Variants in FAAH2 observed in about 807,000 individuals in gnomAD.
FAAH2 encodes the protein fatty-acid amide hydrolase 2.
A neutral mutation model predicts 36.9 loss-of-function variants in FAAH2; 60 were observed. That is an observed-to-expected ratio of 1.63 (90% CI 1.32 to 2.02). FAAH2 has a LOEUF of 2.02. Ranked by LOEUF, FAAH2 falls within the 30% of genes most tolerant of loss-of-function variation. The pLI is 0.00. For missense variants in FAAH2, 689 were observed against 397.5 expected (o/e 1.73, Z -6.23); for synonymous variants, 214 against 143.8 (o/e 1.49, Z -3.49).
At chrX:57,480,334 C>T (rs944263909) in intron 10 of FAAH2, among the ~76,000 whole-genome samples, 1 of 111,836 alleles carries the variant, frequency 8.9e-6, no homozygotes, top group East Asian at 2.8e-4. Context: ...GACCAATATC[C>T]TCGATGAACA....
intron 5 of FAAH2, among the ~76,000 whole-genome samples, chrX:57,364,271 G>T (rs996105766): frequency 9.2e-6 from 1 of 108,768 alleles, no homozygotes. Flanking sequence ...TTTCTTTCTG[G>T]TTCAATCTTG....
chrX:57,219,599 T>A, the FAAH2 span, among the ~76,000 whole-genome samples: 108 of 112,243 alleles, frequency 9.6e-4, no homozygotes, highest in African/African-American at 3.3e-3. Flanking sequence ...AGGCACCCGA[T>A]AATTATCTAG....
intron 10 of FAAH2, among the ~76,000 whole-genome samples, chrX:57,453,838 T>G: frequency 8.9e-6 from 1 of 112,100 alleles, no homozygotes; most frequent in Non-Finnish European, 1.9e-5. Flanking sequence ...CGTTCTCAGA[T>G]CACTGAGAGA....
intron 4 of FAAH2, among the ~76,000 whole-genome samples, chrX:57,334,841 AGAG>A (rs1043615894): frequency 1.1e-4 from 12 of 111,634 alleles, no homozygotes; most frequent in Non-Finnish European, 1.5e-4. Flanking sequence ...AAGTGGCAAG[AGAG>A]GAGAATAAAT....
chrX:57,469,070 G>T (rs1174012884), intron 10 of FAAH2, among the ~76,000 whole-genome samples: 2 of 111,635 alleles, frequency 1.8e-5, no homozygotes, highest in African/African-American at 6.5e-5. Flanking sequence ...TCACTACTAG[G>T]CCTGACCTAC....
At chrX:57,394,050 G>A (rs759094959) in intron 7 of FAAH2, 34 of 730,945 alleles carry the variant, frequency 4.7e-5, no homozygotes, top group Non-Finnish European at 7.4e-5. Flanking sequence ...GTCAGTTCAT[G>A]AAATATCTGA....
the FAAH2 span, among the ~76,000 whole-genome samples, chrX:57,232,938 G>A: frequency 2.7e-5 from 3 of 112,174 alleles, no homozygotes; most frequent in South Asian, 1.1e-3. Context: ...TGCTCCCCTT[G>A]AGCCCTGAAG....
At chrX:57,484,630 G>A (rs1182842852) in intron 10 of FAAH2, among the ~76,000 whole-genome samples, 1 of 111,636 alleles carries the variant, frequency 9.0e-6, no homozygotes, top group Admixed American at 9.5e-5. Flanking sequence ...AATACAGACA[G>A]CTTTATGGCT....
intron 7 of FAAH2, among the ~76,000 whole-genome samples, chrX:57,421,874 G>C (rs371549631): frequency 9.0e-6 from 1 of 111,730 alleles, no homozygotes; most frequent in East Asian, 2.8e-4. Flanking sequence ...TAGAGTAGTT[G>C]CTACTTCTTA....
At chrX:57,348,960 A>T (rs2053904305) in intron 5 of FAAH2, among the ~76,000 whole-genome samples, 1 of 106,415 alleles carries the variant, frequency 9.4e-6, no homozygotes, top group Non-Finnish European at 1.9e-5. Context: ...TCAAAATGCC[A>T]TTTAAAGAAT....
chrX:57,299,061 T>C (rs1334845514), intron 2 of FAAH2, among the ~76,000 whole-genome samples: 1 of 111,340 alleles, frequency 9.0e-6, no homozygotes, highest in Non-Finnish European at 1.9e-5. Context: ...CTGAAACTAT[T>C]CCAATCAATA....
the FAAH2 span, among the ~76,000 whole-genome samples, chrX:57,243,311 C>A: frequency 8.9e-6 from 1 of 111,871 alleles, no homozygotes; most frequent in Non-Finnish European, 1.9e-5. Context: ...AAAGGGGTGG[C>A]TGTGGGCGCA....
intron 7 of FAAH2, among the ~76,000 whole-genome samples, chrX:57,421,074 C>A (rs1251999850): frequency 8.9e-6 from 1 of 112,099 alleles, no homozygotes; most frequent in Non-Finnish European, 1.9e-5. Flanking sequence ...CTCTGGTAAT[C>A]AACATTCTAT....
At chrX:57,440,045 A>C (rs2056514153) in intron 8 of FAAH2, among the ~76,000 whole-genome samples, 1 of 111,654 alleles carries the variant, frequency 9.0e-6, no homozygotes, top group East Asian at 2.8e-4. Flanking sequence ...TGATGCCTCC[A>C]GCTTTGTTCT....
At chrX:57,140,417 CAA>C in the FAAH2 span, among the ~76,000 whole-genome samples, 4 of 64,795 alleles carry the variant, frequency 6.2e-5, no homozygotes, top group East Asian at 4.5e-4. Flanking sequence ...CCATCTCTAC[CAA>C]AAAAAAAAAA....
At chrX:57,153,463 G>A in the FAAH2 span, among the ~76,000 whole-genome samples, 2 of 111,731 alleles carry the variant, frequency 1.8e-5, no homozygotes, top group Non-Finnish European at 3.8e-5. Context: ...TGGGTTCTGT[G>A]AGATTTATGC....
the FAAH2 span, among the ~76,000 whole-genome samples, chrX:57,144,654 G>A: frequency 9.1e-6 from 1 of 109,926 alleles, no homozygotes; most frequent in Non-Finnish European, 1.9e-5. Context: ...ATTTTCAGTC[G>A]TTTATCCCTC....
intron 5 of FAAH2, among the ~76,000 whole-genome samples, chrX:57,367,849 C>G (rs186017675): frequency 4.5e-5 from 5 of 112,047 alleles, no homozygotes; most frequent in South Asian, 3.8e-4. Context: ...GTTTGGAAAG[C>G]TGCCAGGATT....
chrX:57,416,263 G>A (rs949460066), intron 7 of FAAH2, among the ~76,000 whole-genome samples: 1 of 111,459 alleles, frequency 9.0e-6, no homozygotes, highest in Non-Finnish European at 1.9e-5. Context: ...ATTTGATCCT[G>A]TCATTATGAA....
Sources: gnomAD v4.1 joint callset for allele counts (sites outside exome capture counted in the v4.1 genomes callset) on GRCh38, gnomAD v4.1.1 for gene constraint, MANE v1.5 for transcripts, NCBI Gene and HGNC (gene_info 2026-07-23, HGNC 2026-07-21) for gene names.